PPP5C: variants seen among roughly 807,000 people sequenced by gnomAD.
PPP5C encodes the protein serine/threonine-protein phosphatase 5.
PPP5C carries 21 observed loss-of-function variants against 66.7 expected under a neutral mutation model. That is an observed-to-expected ratio of 0.31 (90% CI 0.22 to 0.45). PPP5C has a LOEUF of 0.45. PPP5C is among the 20% of genes least tolerant of loss of function. The pLI is 1.00. For missense variants in PPP5C, 464 were observed against 675.9 expected (o/e 0.69, Z 3.48); for synonymous variants, 246 against 257.4 (o/e 0.96, Z 0.43).
chr19:46,387,878 A>T, intron 9 of PPP5C: 1 of 470,354 alleles, frequency 2.1e-6, no homozygotes, highest in Non-Finnish European at 3.4e-6. Context: ...AGGCCTCTCC[A>T]GGGAGGCGAG....
At chr19:46,385,529 C>T (rs1053534795) in intron 7 of PPP5C, among the ~76,000 whole-genome samples, 1 of 152,166 alleles carries the variant, frequency 6.6e-6, no homozygotes, top group African/African-American at 2.4e-5. Context: ...CCTGTAATCC[C>T]AGCATTTTGG....
intron 1 of PPP5C, among the ~76,000 whole-genome samples, chr19:46,349,300 A>G (rs1972141597): frequency 6.6e-6 from 1 of 152,034 alleles, no homozygotes; most frequent in Non-Finnish European, 1.5e-5. Flanking sequence ...GAAAAAAAAA[A>G]AGAGAGAAGA....
chr19:46,369,230 A>T (rs1054049007), intron 2 of PPP5C, among the ~76,000 whole-genome samples: 2 of 152,218 alleles, frequency 1.3e-5, no homozygotes, highest in Non-Finnish European at 2.9e-5. Context: ...ATACACACCT[A>T]GGTTATGTGG....
Position 46,390,596 on chromosome 19 carries a change from T to C in PPP5C, c.*250T>C, listed in dbSNP as rs1973002525. The C allele has an allele frequency of 1.5e-6, 2 of 1,377,848 alleles. No individual in the cohort carries two copies. Among genetic ancestry groups the C allele is most frequent in the African/African-American group, 2.9e-5 (2 of 68,486 alleles). The allele number at this position is 1,377,848 out of a possible 1,614,324, so 85.4% of individuals were successfully genotyped here. On this transcript the variant is annotated 3_prime_UTR_variant, in exon 13 of 13. Transcript: ENST00000012443. The stretch of plus-strand genomic sequence containing the variant: ...TGGGGCTGGGGGCACAGCCTGGGCA[T>C]TCTGTGGGGAGGCCGTCCTCGGGGT...
Position 46,390,796 on chromosome 19 carries a change from C to T in PPP5C, c.*450C>T, listed in dbSNP as rs1973009508. On this transcript the variant is annotated 3_prime_UTR_variant, in exon 13 of 13. Transcript: ENST00000012443. ...GCTAGGCTGGGGCTCACCCCCCTCC[C>T]CAGCTATTTTATGTCTGTAATTAAA... 8.9e-7 allele frequency: 1 copy of T among 1,125,058 alleles called. No individual in the cohort carries two copies. The highest frequency in any genetic ancestry group is 1.1e-6 in the Non-Finnish European group (1 of 908,384). The allele number at this position is 1,125,058 out of a possible 1,614,324, so 69.7% of individuals were successfully genotyped here.
At chr19:46,361,420 C>T (rs531344387) in intron 2 of PPP5C, among the ~76,000 whole-genome samples, 7 of 146,480 alleles carry the variant, frequency 4.8e-5, no homozygotes, top group African/African-American at 1.7e-4. Flanking sequence ...TGAGCCACTG[C>T]GCCTGGCTGA....
intron 1 of PPP5C, among the ~76,000 whole-genome samples, chr19:46,351,790 C>T (rs1972190370): frequency 6.6e-6 from 1 of 152,232 alleles, no homozygotes; most frequent in Non-Finnish European, 1.5e-5. Context: ...TCTGGAGGGA[C>T]ACACTCATTA....
intron 7 of PPP5C, among the ~76,000 whole-genome samples, chr19:46,385,848 G>C (rs1235197008): frequency 6.6e-6 from 1 of 151,632 alleles, no homozygotes; most frequent in Non-Finnish European, 1.5e-5. Context: ...GGTGGCCAAA[G>C]TGGAAGGATT....
At chr19:46,351,857 G>T (rs1225914307) in intron 1 of PPP5C, among the ~76,000 whole-genome samples, 1 of 152,226 alleles carries the variant, frequency 6.6e-6, no homozygotes, top group Non-Finnish European at 1.5e-5. Flanking sequence ...AGGGGCTGGG[G>T]CAGCCCAGTC....
Position 46,387,435 on chromosome 19 carries a change from C to G in PPP5C, c.1117C>G (p.Arg373Gly). ...TGACATCCGGAAAATTGAGCGGAAT[C>G]GACAACCCCCAGATTCAGGTGAGCA... ...LDDIRKIERN[R>G]QPPDSGPMCD... Residue 373 changes from arginine (R) to glycine (G), a missense_variant, in exon 9 of 13, where the codon CGA becomes GGA. Transcript: ENST00000012443. 1 of 1,613,708 alleles carries G rather than the reference C, an allele frequency of 6.2e-7. No homozygotes were observed. Among genetic ancestry groups the G allele is most frequent in the Non-Finnish European group, 8.5e-7 (1 of 1,179,612 alleles).
intron 2 of PPP5C, among the ~76,000 whole-genome samples, chr19:46,359,036 T>C (rs934772528): frequency 9.9e-5 from 15 of 152,228 alleles, no homozygotes; most frequent in Non-Finnish European, 1.9e-4. Flanking sequence ...TTCTCATTTT[T>C]CCCTTTTGGT....
At chr19:46,349,320 A>G (rs908860782) in intron 1 of PPP5C, among the ~76,000 whole-genome samples, 7 of 152,024 alleles carry the variant, frequency 4.6e-5, no homozygotes, top group Non-Finnish European at 8.8e-5. Flanking sequence ...ATGCAGTGTC[A>G]GGGAAAGATG....
chr19:46,388,880 C>T lies in PPP5C; in HGVS notation c.1355+149C>T. Reference sequence around the variant, plus strand: ...GAACACCCCCGTATGTGTCACCCACCCATGCAGCACCAGTGGGGCCAGCCT... The same window carrying T: ...GAACACCCCCGTATGTGTCACCCACTCATGCAGCACCAGTGGGGCCAGCCT... On this transcript the variant is annotated intron_variant, in intron 11 of 12. Transcript: ENST00000012443. The surrounding 1 kb of genome is among the most constrained non-coding windows in gnomAD (Gnocchi z 4.9). The T allele has an allele frequency of 2.0e-6, 2 of 982,948 alleles. No homozygotes were observed. Among genetic ancestry groups the T allele is most frequent in the African/African-American group, 1.6e-5 (1 of 61,500 alleles). The allele number at this position is 982,948 out of a possible 1,614,324, so 60.9% of individuals were successfully genotyped here. A position where few individuals can be genotyped will look rare whatever the true frequency, so the allele number is the denominator to read the frequency against.
Position 46,353,779 on chromosome 19 carries a change from C to T in PPP5C, c.153C>T (p.Tyr51=), listed in dbSNP as rs764332993. The change falls in exon 2 of 13, where the codon TAC becomes TAT. Residue 51 remains tyrosine, a synonymous_variant. Transcript: ENST00000012443. ...AKDYENAIKF[Y]SQAIELNPSN... ...ACTACGAGAACGCCATCAAGTTCTA[C>T]AGCCAGGCCATCGAGCTGAACCCCA... 1.2e-6 allele frequency: 2 copies of T among 1,614,182 alleles called. No individual in the cohort carries two copies. Among genetic ancestry groups the T allele is most frequent in the Non-Finnish European group, 8.5e-7 (1 of 1,180,034 alleles).
chr19:46,387,582 A>G, intron 9 of PPP5C, 129 bp downstream of exon 9: 3 of 1,561,844 alleles, frequency 1.9e-6, no homozygotes, highest in East Asian at 2.4e-5. Context: ...TCTGAGCCTC[A>G]GTTTCCTCAC....
chr19:46,388,829 G>A lies in PPP5C; in HGVS notation c.1355+98G>A, dbSNP rs926549977. The A allele has an allele frequency of 2.1e-6, 3 of 1,439,450 alleles. No homozygotes were observed. The highest frequency in any genetic ancestry group is 2.8e-5 in the African/African-American group (2 of 70,700). 89.2% of individuals were successfully genotyped at this position (1,439,450 alleles called of 1,614,324 possible). A position where few individuals can be genotyped will look rare whatever the true frequency, so the allele number is the denominator to read the frequency against. On this transcript the variant is annotated intron_variant, in intron 11 of 12. Transcript: ENST00000012443. This position sits in a 1 kb window ranked among gnomAD's most constrained non-coding sequence, Gnocchi z 4.9. ...TTTATGATGGAACATTTCAAAGACA[G>A]GCAAGAGCAGATAAAAGAACATGAC...
intron 4 of PPP5C, chr19:46,381,403 T>C (rs1186611052): frequency 6.6e-6 from 1 of 152,214 alleles, no homozygotes; most frequent in Non-Finnish European, 1.5e-5. Flanking sequence ...CCAGCTATTT[T>C]GTATAAAAGA....
At chr19:46,389,324 AAC>A (rs1397482115) in intron 11 of PPP5C, among the ~76,000 whole-genome samples, 1 of 143,460 alleles carries the variant, frequency 7.0e-6, no homozygotes, top group African/African-American at 2.9e-5. Context: ...TCCATCTCAA[AAC>A]ACACGCACAC....
intron 2 of PPP5C, among the ~76,000 whole-genome samples, chr19:46,371,311 C>T (rs888690990): frequency 2.0e-5 from 3 of 152,088 alleles, no homozygotes; most frequent in Non-Finnish European, 2.9e-5. Flanking sequence ...GCCTTGCAAG[C>T]GGATACTAGT....
Sources: allele counts gnomAD v4.1 joint callset (sites outside exome capture counted in the v4.1 genomes callset), GRCh38; gene constraint gnomAD v4.1.1; non-coding constraint Gnocchi (gnomAD v3.1); transcripts MANE v1.5; gene names NCBI Gene and HGNC (gene_info 2026-07-23, HGNC 2026-07-21).